Variants in NXPH1 observed in about 807,000 individuals in gnomAD.
The protein encoded by NXPH1 is neurexophilin-1.
Under a neutral mutation model 23.7 loss-of-function variants are expected in NXPH1, and 5 were observed. The observed-to-expected ratio is 0.21, with a 90% CI of 0.11 to 0.44. NXPH1 has a LOEUF of 0.44. NXPH1 is among the 20% of genes least tolerant of loss of function. NXPH1 has a pLI of 0.99. For synonymous variants in NXPH1, 144 were observed against 122.2 expected (o/e 1.18, Z -1.18); for missense variants, 324 against 321.6 (o/e 1.01, Z -0.06).
intron 2 of NXPH1, among the ~76,000 whole-genome samples, chr7:8,475,479 A>G (rs1327816507): frequency 6.6e-6 from 1 of 152,152 alleles, no homozygotes. Flanking sequence ...TGGAATGAAG[A>G]TTTCTAAATA....
intron 2 of NXPH1, among the ~76,000 whole-genome samples, chr7:8,626,478 C>T (rs1416999786): frequency 6.6e-6 from 1 of 151,450 alleles, no homozygotes; most frequent in African/African-American, 2.4e-5. Flanking sequence ...GATTCCATTA[C>T]TTTCTCACTG....
At chr7:8,690,318 A>T (rs1259932988) in intron 2 of NXPH1, 1 of 152,234 alleles carries the variant, frequency 6.6e-6, no homozygotes, top group Non-Finnish European at 1.5e-5. Flanking sequence ...AATAAATGGG[A>T]TATACATGCT....
intron 2 of NXPH1, among the ~76,000 whole-genome samples, chr7:8,455,393 T>A (rs1816578060): frequency 6.6e-6 from 1 of 152,158 alleles, no homozygotes; most frequent in Non-Finnish European, 1.5e-5. Context: ...TGGTGCATAA[T>A]CTCTGGCCCT....
intron 2 of NXPH1, among the ~76,000 whole-genome samples, chr7:8,699,172 A>C (rs1024427967): frequency 6.6e-6 from 1 of 152,128 alleles, no homozygotes; most frequent in Non-Finnish European, 1.5e-5. Flanking sequence ...TCTTACAGAA[A>C]AGGCTAGGTT....
At chr7:8,701,004 A>G (rs987781297) in intron 2 of NXPH1, among the ~76,000 whole-genome samples, 1 of 152,042 alleles carries the variant, frequency 6.6e-6, no homozygotes. Flanking sequence ...GCTTTTTTGG[A>G]ACACAGCCAC....
chr7:8,701,019 G>A (rs556144602), intron 2 of NXPH1, among the ~76,000 whole-genome samples: 1 of 152,092 alleles, frequency 6.6e-6, no homozygotes, highest in South Asian at 2.1e-4. Context: ...AGCCACACTT[G>A]GAAAGTTTCA....
chr7:8,733,241 G>T (rs1466487150), intron 2 of NXPH1, among the ~76,000 whole-genome samples: 2 of 152,168 alleles, frequency 1.3e-5, no homozygotes. Flanking sequence ...GTATTCCATG[G>T]TGTATATGTG....
chr7:8,688,085 C>T (rs1821174215), intron 2 of NXPH1, among the ~76,000 whole-genome samples: 1 of 151,994 alleles, frequency 6.6e-6, no homozygotes, highest in Non-Finnish European at 1.5e-5. Flanking sequence ...ATGAAATGTA[C>T]ATTATGACTT....
chr7:8,461,464 G>A (rs1281871598), intron 2 of NXPH1, among the ~76,000 whole-genome samples: 1 of 152,206 alleles, frequency 6.6e-6, no homozygotes, highest in African/African-American at 2.4e-5. Context: ...TTATTAATGT[G>A]AAGTAGATAG....
intron 2 of NXPH1, among the ~76,000 whole-genome samples, chr7:8,619,639 T>C (rs902867153): frequency 1.3e-5 from 2 of 152,206 alleles, no homozygotes; most frequent in African/African-American, 4.8e-5. Context: ...ATAATAGTTA[T>C]AAATTCAGTA....
In NXPH1 at chr7:8,589,293, C is replaced by T. The variant is rs544045727; in HGVS notation, c.54+153526C>T. Among the ~76,000 whole-genome samples, 17 of 152,004 alleles carry T rather than the reference C, an allele frequency of 1.1e-4. 1 individual carries two copies. Among genetic ancestry groups the T allele is most frequent in the African/African-American group, 3.9e-4 (16 of 41,406 alleles). On this transcript the variant is annotated intron_variant, in intron 2 of 2. Transcript: ENST00000405863. ...GGAGCTGAACTATCTTTGGCAGGCC[C>T]GGTCACTTGCATCATATTAAGTCAC... is the stretch of plus-strand genomic sequence containing the variant.
intron 2 of NXPH1, among the ~76,000 whole-genome samples, chr7:8,489,598 A>C (rs1817215505): frequency 6.6e-6 from 1 of 152,064 alleles, no homozygotes; most frequent in Non-Finnish European, 1.5e-5. Flanking sequence ...ACATTTTCTT[A>C]GCCAACATTG....
intron 2 of NXPH1, among the ~76,000 whole-genome samples, chr7:8,552,110 A>C (rs1818284957): frequency 6.8e-6 from 1 of 147,568 alleles, no homozygotes; most frequent in South Asian, 2.1e-4. Context: ...TGCAGAAAAA[A>C]AACCAAAAAA....
chr7:8,513,997 T>C (rs1584203773), intron 2 of NXPH1, among the ~76,000 whole-genome samples: 1 of 152,124 alleles, frequency 6.6e-6, no homozygotes, highest in African/African-American at 2.4e-5. Context: ...ATCTTCTCCC[T>C]GTTTCTCTTC....
chr7:8,552,178 G>A (rs1463960638), intron 2 of NXPH1, among the ~76,000 whole-genome samples: 1 of 141,550 alleles, frequency 7.1e-6, no homozygotes, highest in Non-Finnish European at 1.5e-5. Context: ...GGAGAGTAAT[G>A]TAATTTGTAG....
intron 2 of NXPH1, among the ~76,000 whole-genome samples, chr7:8,660,499 T>C (rs917409059): frequency 1.3e-5 from 2 of 152,234 alleles, no homozygotes; most frequent in African/African-American, 4.8e-5. Flanking sequence ...TAAGTAGCTA[T>C]GAATTTTAAA....
rs1313028480 is a variant in NXPH1 at position 8,744,283 on chromosome 7, TCCTTTG to T, written c.55-6724_55-6719del. ...GGTATCATTGAACTAGAGAGCCAGC[TCCTTTG>T]GTAATGGGCATTGGCCACTTTTGAC... On this transcript the variant is annotated intron_variant, in intron 2 of 2. Transcript: ENST00000405863. Among the ~76,000 whole-genome samples the T allele has an allele frequency of 5.0e-4, 76 of 152,226 alleles. 1 individual carries two copies. The highest frequency in any genetic ancestry group is 4.9e-3 in the Admixed American group (75 of 15,284).
chr7:8,677,481 C>T (rs1281329039), intron 2 of NXPH1, among the ~76,000 whole-genome samples: 2 of 152,104 alleles, frequency 1.3e-5, no homozygotes, highest in Middle Eastern at 3.2e-3. Flanking sequence ...AAGATATTTA[C>T]AGGGAAAGGC....
chr7:8,661,880 T>C (rs1820681384), intron 2 of NXPH1, among the ~76,000 whole-genome samples: 1 of 152,070 alleles, frequency 6.6e-6, no homozygotes, highest in Non-Finnish European at 1.5e-5. Flanking sequence ...CATAAAATTA[T>C]ACTATGAAAG....
Sources: allele counts gnomAD v4.1 joint callset (sites outside exome capture counted in the v4.1 genomes callset), GRCh38; gene constraint gnomAD v4.1.1; transcripts MANE v1.5; gene names NCBI Gene and HGNC (gene_info 2026-07-23, HGNC 2026-07-21).